The following KANK1 variants were observed in gnomAD, a reference collection of about 807,000 sequenced individuals.
KANK1 encodes the protein KN motif and ankyrin repeat domains 1.
A neutral mutation model predicts 106.2 loss-of-function variants in KANK1; 109 were observed. That is an observed-to-expected ratio of 1.03 (90% CI 0.88 to 1.20). The LOEUF is 1.20. Among genes scored for constraint, KANK1 ranks in the 50% most tolerant of loss-of-function variants. KANK1 has a pLI of 0.00. For missense variants in KANK1, 2,399 were observed against 1,710.7 expected, an observed-to-expected ratio of 1.40 and a Z score of -7.10; for synonymous variants, 873 against 652.2, an observed-to-expected ratio of 1.34 and a Z score of -5.16.
chr9:695,025 C>G (rs1820894688), intron 2 of KANK1, among the ~76,000 whole-genome samples: 1 of 152,186 alleles, frequency 6.6e-6, no homozygotes, highest in African/African-American at 2.4e-5. Flanking sequence ...ACTGACCCCC[C>G]TCATTTTAAG....
At chr9:678,681 G>A (rs1231134334) in intron 2 of KANK1, among the ~76,000 whole-genome samples, 4 of 152,156 alleles carry the variant, frequency 2.6e-5, no homozygotes, top group African/African-American at 9.7e-5. Context: ...GGCCCAGATT[G>A]CACTACTGCC....
chr9:727,623 G>C (rs1404378011), intron 3 of KANK1, among the ~76,000 whole-genome samples: 1 of 151,694 alleles, frequency 6.6e-6, no homozygotes, highest in African/African-American at 2.4e-5. Context: ...GGCTAATCCA[G>C]GGAAAAATTA....
chr9:739,187 G>A (rs1484618363), intron 8 of KANK1, among the ~76,000 whole-genome samples: 1 of 152,182 alleles, frequency 6.6e-6, no homozygotes, highest in Admixed American at 6.5e-5. Context: ...GAAACTGTGA[G>A]CTTTCAACTT....
intron 1 of KANK1, among the ~76,000 whole-genome samples, chr9:562,812 G>A (rs1816840699): frequency 6.6e-6 from 1 of 152,146 alleles, no homozygotes; most frequent in Non-Finnish European, 1.5e-5. Flanking sequence ...CAGAAGTTGG[G>A]TCTGATTTTG....
intron 1 of KANK1, among the ~76,000 whole-genome samples, chr9:600,200 C>T (rs1827379218): frequency 1.3e-5 from 2 of 151,682 alleles, no homozygotes; most frequent in Non-Finnish European, 2.9e-5. Flanking sequence ...AACAACTCCC[C>T]ACCCCCCTCT....
At position 712,289 on chromosome 9, in the gene KANK1, A is replaced by C; in HGVS notation, c.1523A>C (p.Gln508Pro). 2 of 1,614,250 alleles carry C rather than the reference A, an allele frequency of 1.2e-6. No homozygotes were observed. Among genetic ancestry groups the C allele is most frequent in the Non-Finnish European group, 1.7e-6 (2 of 1,180,058 alleles). The change falls in exon 3 of 12, where the codon CAG (glutamine) becomes CCG (proline). Residue 508 changes from glutamine to proline, a missense_variant. By Grantham distance (76) the Gln-to-Pro change is moderately conservative. Coordinates refer to ENST00000382297, the MANE Select transcript of KANK1 (RefSeq NM_015158.5). ...RKKVDKATMAQPLVFSKVVEA... is the reference protein window; with the variant it reads ...RKKVDKATMAPPLVFSKVVEA... Reference sequence around the variant, plus strand: ...AAGGTTGACAAAGCCACGATGGCCCAGCCGCTTGTTTTCAGTAAGGTGGTG... The same window carrying C: ...AAGGTTGACAAAGCCACGATGGCCCCGCCGCTTGTTTTCAGTAAGGTGGTG...
At chr9:636,826 T>G (rs565586804) in intron 1 of KANK1, among the ~76,000 whole-genome samples, 2 of 152,260 alleles carry the variant, frequency 1.3e-5, no homozygotes, top group South Asian at 4.1e-4. Context: ...GAGATTGCCA[T>G]TGGACTCCAG....
chr9:701,114 A>G (rs983881220), intron 2 of KANK1, among the ~76,000 whole-genome samples: 2 of 152,126 alleles, frequency 1.3e-5, no homozygotes, highest in African/African-American at 4.8e-5. Flanking sequence ...GAAAGACTTG[A>G]AGACTACAGA....
chr9:567,570 C>A (rs1301401333), intron 1 of KANK1, among the ~76,000 whole-genome samples: 1 of 152,200 alleles, frequency 6.6e-6, no homozygotes, highest in South Asian at 2.1e-4. Context: ...TCACTTCCCT[C>A]TTCTAAGTAC....
intron 1 of KANK1, among the ~76,000 whole-genome samples, chr9:569,989 T>G (rs1191702685): frequency 1.3e-5 from 2 of 152,228 alleles, no homozygotes; most frequent in Non-Finnish European, 2.9e-5. Context: ...GCCTTTTCAT[T>G]ACTTTCAACA....
chr9:740,687 C>A lies in KANK1; in HGVS notation c.3554-105C>A. 2.4e-6 allele frequency: 3 copies of A among 1,240,982 alleles called. No homozygotes were observed. In the South Asian group the frequency reaches 4.4e-5, roughly 18 times the overall value. 76.9% of individuals were successfully genotyped at this position (1,240,982 alleles called of 1,614,324 possible). A position where few individuals can be genotyped will look rare whatever the true frequency, so the allele number is the denominator to read the frequency against. On this transcript the variant is annotated intron_variant, in intron 8 of 11. Coordinates refer to ENST00000382297, the MANE Select transcript of KANK1 (RefSeq NM_015158.5). ...CTCTTGGTCTCCAGCCACCTGGTACCATTTCACTGGGCTCCTGTAAACACC... is the reference window on the plus strand; with the variant it reads ...CTCTTGGTCTCCAGCCACCTGGTACAATTTCACTGGGCTCCTGTAAACACC...
intron 3 of KANK1, among the ~76,000 whole-genome samples, chr9:720,351 T>C (rs1828971816): frequency 6.6e-6 from 1 of 152,130 alleles, no homozygotes; most frequent in Admixed American, 6.5e-5. Flanking sequence ...GTTGCTGTCG[T>C]TTTGTTTTGT....
rs986009461 is a variant in KANK1 at position 647,484 on chromosome 9, C to G, written c.-83-29406C>G. On this transcript the variant is annotated intron_variant, in intron 1 of 11. Coordinates refer to ENST00000382297, the MANE Select transcript of KANK1 (RefSeq NM_015158.5). ...TCTTTAACATTGGTCAGGTTCCAAACTAGTGAAAACTACAGAAACAAGTGC... is the reference window on the plus strand; with the variant it reads ...TCTTTAACATTGGTCAGGTTCCAAAGTAGTGAAAACTACAGAAACAAGTGC... Among the ~76,000 whole-genome samples, 3 of 150,870 alleles carry G rather than the reference C, an allele frequency of 2.0e-5. 1 individual carries two copies. Among genetic ancestry groups the G allele is most frequent in the African/African-American group, 7.5e-5 (3 of 40,206 alleles).
chr9:512,533 A>G (rs2059080250), intron 1 of KANK1, among the ~76,000 whole-genome samples: 1 of 152,138 alleles, frequency 6.6e-6, no homozygotes, highest in Non-Finnish European at 1.5e-5. Context: ...ATCCAAAAAC[A>G]TCCTCCAAGT....
intron 1 of KANK1, among the ~76,000 whole-genome samples, chr9:555,654 G>T (rs1303883745): frequency 6.6e-6 from 1 of 152,198 alleles, no homozygotes; most frequent in Non-Finnish European, 1.5e-5. Context: ...GGCTGGAGAT[G>T]AAATCACAGA....
In KANK1 at chr9:625,124, C is replaced by G. The variant is rs1834046288; in HGVS notation, c.-83-51766C>G. Among the ~76,000 whole-genome samples, 4 of 152,294 alleles carry G rather than the reference C, an allele frequency of 2.6e-5. No individual in the cohort carries two copies. The South Asian group carries it at 8.3e-4, about 32-fold the overall frequency. ...GTTAGCGTCCTGGGCAAACCCACAG[C>G]CCGCAGATCTCTTATTTGGCAGCGA... On this transcript the variant is annotated intron_variant, in intron 1 of 11. Coordinates refer to ENST00000382297, the MANE Select transcript of KANK1 (RefSeq NM_015158.5).
At chr9:581,794 ACTGCTTCT>A in intron 1 of KANK1, among the ~76,000 whole-genome samples, 2 of 152,146 alleles carry the variant, frequency 1.3e-5, no homozygotes, top group South Asian at 4.2e-4. Flanking sequence ...ACCAGTCCCT[ACTGCTTCT>A]GGGCTGCATT....
chr9:521,167 G>C (rs1563709681), intron 1 of KANK1, among the ~76,000 whole-genome samples: 2 of 151,732 alleles, frequency 1.3e-5, no homozygotes, highest in Admixed American at 6.6e-5. Flanking sequence ...ACAAAATAAA[G>C]TCATACATTG....
chr9:551,118 CAT>C (rs1298990038), intron 1 of KANK1, among the ~76,000 whole-genome samples: 1 of 151,894 alleles, frequency 6.6e-6, no homozygotes, highest in Admixed American at 6.6e-5. Flanking sequence ...GTTAATACAA[CAT>C]GTGTGGCTCA....
Sources: gnomAD v4.1 joint callset for allele counts (sites outside exome capture counted in the v4.1 genomes callset) on GRCh38, gnomAD v4.1.1 for gene constraint, MANE v1.5 for transcripts, NCBI Gene and HGNC (gene_info 2026-07-23, HGNC 2026-07-21) for gene names.